The following KCNK13 variants were observed in gnomAD, a reference collection of about 807,000 sequenced individuals.
KCNK13 encodes the protein potassium two pore domain channel subfamily K member 13, also known as potassium channel subfamily K member 13.
In KCNK13, 12 loss-of-function variants were observed where a neutral mutation model predicts 23.4. That is an observed-to-expected ratio of 0.51 (90% CI 0.33 to 0.83). The LOEUF (loss-of-function observed/expected upper bound fraction) is 0.83, where lower values mean the gene tolerates loss of function less well. KCNK13 is among the 40% of genes least tolerant of loss of function. The probability of loss-of-function intolerance (pLI) is 0.02; values close to 1 mark genes in which losing one functional copy is unlikely to be tolerated. For missense variants in KCNK13, 463 were observed against 556.3 expected, an observed-to-expected ratio of 0.83 and a Z score of 1.69; for synonymous variants, 231 against 229.5, an observed-to-expected ratio of 1.01 and a Z score of -0.06.
intron 1 of KCNK13, among the ~76,000 whole-genome samples, chr14:90,176,672 G>A (rs994318867): frequency 6.6e-6 from 1 of 152,180 alleles, no homozygotes; most frequent in South Asian, 2.1e-4. Flanking sequence ...ATCTGTGCAG[G>A]TGTTTGACTG....
chr14:90,084,220 G>A (rs1260737456), intron 1 of KCNK13, among the ~76,000 whole-genome samples: 1 of 152,012 alleles, frequency 6.6e-6, no homozygotes, highest in Non-Finnish European at 1.5e-5. Flanking sequence ...GACTTACATT[G>A]AATTAATTTG....
chr14:90,157,680 C>T (rs1473161114), intron 1 of KCNK13, among the ~76,000 whole-genome samples: 1 of 144,976 alleles, frequency 6.9e-6, no homozygotes, highest in Non-Finnish European at 1.5e-5. Flanking sequence ...AGGCATGGGC[C>T]ACCATACCTG....
intron 1 of KCNK13, among the ~76,000 whole-genome samples, chr14:90,140,748 G>GT (rs372141617): frequency 2.2e-4 from 34 of 152,306 alleles, no homozygotes; most frequent in African/African-American, 7.7e-4. Flanking sequence ...TGTGACTTCT[G>GT]TAAGTTTTAA....
rs74446686 is a variant in KCNK13, at chr14:90,126,352, C to T, written c.335-57759C>T. Among the ~76,000 whole-genome samples, 353 of 152,210 alleles carry T rather than the reference C, an allele frequency of 2.3e-3. 3 individuals carry two copies. The highest frequency in any genetic ancestry group is 8.0e-3 in the African/African-American group (334 of 41,518). On this transcript the variant is annotated intron_variant, in intron 1 of 1. Transcript: ENST00000282146. ...ATGTCTAACTTTGCAGTGGAAAAACCTGCCCAACGCTGCCTCACCTAGGAG... is the reference window on the plus strand; with the variant it reads ...ATGTCTAACTTTGCAGTGGAAAAACTTGCCCAACGCTGCCTCACCTAGGAG...
chr14:90,081,120 A>G (rs575967748), intron 1 of KCNK13, among the ~76,000 whole-genome samples: 53 of 152,366 alleles, frequency 3.5e-4, no homozygotes, highest in African/African-American at 1.2e-3. Flanking sequence ...CCAAAGAGGA[A>G]TAAGTCCAGG....
chr14:90,128,525 A>G (rs1889829645), intron 1 of KCNK13, among the ~76,000 whole-genome samples: 1 of 152,018 alleles, frequency 6.6e-6, no homozygotes, highest in South Asian at 2.1e-4. Flanking sequence ...TGCATATCCC[A>G]AACAAGCATA....
chr14:90,115,119 A>T (rs1889660774), intron 1 of KCNK13, among the ~76,000 whole-genome samples: 1 of 152,202 alleles, frequency 6.6e-6, no homozygotes, highest in Non-Finnish European at 1.5e-5. Context: ...ACCTGGTCTC[A>T]TTTCAGCTCC....
rs190974195 is a variant in KCNK13 at position 90,107,418 on chromosome 14, C to T, written c.334+44879C>T. On this transcript the variant is annotated intron_variant, in intron 1 of 1. Coordinates refer to ENST00000282146, the MANE Select transcript of KCNK13 (RefSeq NM_022054.4). The stretch of plus-strand genomic sequence containing the variant: ...GCGTGAACCTGGGAGGCAGAACTTA[C>T]GGTGAGCCGAGATGGCACCACTGCC... Among the ~76,000 whole-genome samples, 8 of 152,280 alleles carry T rather than the reference C, an allele frequency of 5.3e-5. No individual in the cohort carries two copies. The East Asian group carries it at 7.7e-4, about 15-fold the overall frequency.
intron 1 of KCNK13, among the ~76,000 whole-genome samples, chr14:90,125,627 G>GCA (rs1486281592): frequency 1.1e-4 from 1 of 8,904 alleles, no homozygotes; most frequent in African/African-American, 4.4e-4. Flanking sequence ...ACACACACAC[G>GCA]CGCACACACA....
intron 1 of KCNK13, among the ~76,000 whole-genome samples, chr14:90,072,387 G>C (rs187360164): frequency 1.3e-5 from 2 of 152,282 alleles, no homozygotes; most frequent in East Asian, 3.9e-4. Flanking sequence ...GGGAGCAGTA[G>C]GGCCTTGTGC....
intron 1 of KCNK13, among the ~76,000 whole-genome samples, chr14:90,091,869 G>A (rs1263707823): frequency 6.6e-6 from 1 of 151,614 alleles, no homozygotes; most frequent in Non-Finnish European, 1.5e-5. Context: ...TTACCTAAAC[G>A]TTGGCAAGAA....
chr14:90,170,559 C>T (rs929030712), intron 1 of KCNK13, among the ~76,000 whole-genome samples: 3 of 152,102 alleles, frequency 2.0e-5, no homozygotes, highest in African/African-American at 7.2e-5. Context: ...GCATGCGTGC[C>T]AGGGAGACAG....
At chr14:90,107,868 C>T (rs1596781013) in intron 1 of KCNK13, 5 of 823,054 alleles carry the variant, frequency 6.1e-6, no homozygotes, top group South Asian at 2.6e-5. Context: ...GAACAGCTCA[C>T]GGGAGCAAGA....
intron 1 of KCNK13, among the ~76,000 whole-genome samples, chr14:90,146,474 C>G (rs545032707): frequency 5.9e-5 from 9 of 152,202 alleles, no homozygotes; most frequent in East Asian, 1.9e-4. Flanking sequence ...CATCACCATG[C>G]CTGGCTAATT....
rs4904635 is a variant in KCNK13 at position 90,146,347 on chromosome 14, G to A, written c.335-37764G>A. On this transcript the variant is annotated intron_variant, in intron 1 of 1. Transcript: ENST00000282146. ...TCTTTTTTAGTGGGGGGGCAATCTC[G>A]CTCTGTCACCCAGGCTGGAGTGCAG... Among the ~76,000 whole-genome samples the A allele has an allele frequency of 7.4e-3, 1,128 of 152,072 alleles. 37 individuals carry two copies. Among genetic ancestry groups the A allele is most frequent in the East Asian group, 0.067 (347 of 5,174 alleles).
At chr14:90,110,341 G>A (rs1394610495) in intron 1 of KCNK13, among the ~76,000 whole-genome samples, 2 of 151,962 alleles carry the variant, frequency 1.3e-5, no homozygotes, top group Non-Finnish European at 2.9e-5. Context: ...GTAAAACCCC[G>A]TCTCTACTAA....
chr14:90,063,203 G>A (rs554500187), intron 1 of KCNK13, among the ~76,000 whole-genome samples: 1 of 152,284 alleles, frequency 6.6e-6, no homozygotes, highest in South Asian at 2.1e-4. Context: ...ATCGCACTCA[G>A]GGGCCCCATG....
At chr14:90,112,029 A>G (rs1056748053) in intron 1 of KCNK13, among the ~76,000 whole-genome samples, 5 of 152,050 alleles carry the variant, frequency 3.3e-5, no homozygotes, top group African/African-American at 9.7e-5. Context: ...TTATATCCCA[A>G]TTCTGGGAGC....
At chr14:90,180,406 A>G (rs1481779897) in intron 1 of KCNK13, among the ~76,000 whole-genome samples, 1 of 152,154 alleles carries the variant, frequency 6.6e-6, no homozygotes, top group Non-Finnish European at 1.5e-5. Flanking sequence ...TTCTATGGAA[A>G]AGCCTGCATT....
Sources: gnomAD v4.1 joint callset for allele counts (sites outside exome capture counted in the v4.1 genomes callset) on GRCh38, gnomAD v4.1.1 for gene constraint, MANE v1.5 for transcripts, NCBI Gene and HGNC (gene_info 2026-07-23, HGNC 2026-07-21) for gene names.